Variants in ORC5 observed in about 807,000 individuals in gnomAD.
ORC5 encodes protein phosphatase 1, regulatory subunit 117.
ORC5 carries 39 observed loss-of-function variants against 58.8 expected under a neutral mutation model. The observed-to-expected ratio is 0.66, with a 90% CI of 0.51 to 0.87. The LOEUF is 0.87. ORC5 is among the 40% of genes least tolerant of loss of function. ORC5 has a pLI of 0.00. For missense variants in ORC5, 493 were observed against 506.3 expected, an observed-to-expected ratio of 0.97 and a Z score of 0.25; for synonymous variants, 218 against 177.6, an observed-to-expected ratio of 1.23 and a Z score of -1.81.
intron 10 of ORC5, 104 bp downstream of exon 10, chr7:104,166,668 T>C (rs1306064672): frequency 3.0e-6 from 2 of 656,356 alleles, no homozygotes; most frequent in African/African-American, 3.6e-5. Flanking sequence ...TATTTGGCAA[T>C]CTTATTCTAA....
Position 104,136,717 on chromosome 7 carries a change from A to G in ORC5, c.1262+64T>C. 1 of 1,039,786 alleles carries G rather than the reference A, an allele frequency of 9.6e-7. No homozygotes were observed. 64.4% of individuals were successfully genotyped at this position (1,039,786 alleles called of 1,614,324 possible). A position where few individuals can be genotyped will look rare whatever the true frequency, so the allele number is the denominator to read the frequency against. The stretch of plus-strand genomic sequence containing the variant: ...ATGTTTAAATGTCATGACTAATGAC[A>G]TCACATTTGGAAAACACTAATTTTT... On this transcript the variant is annotated intron_variant, in intron 13 of 13. Transcript: ENST00000297431. The surrounding 1 kb of genome is among the most constrained non-coding windows in gnomAD (Gnocchi z 4.2).
rs113791746 is a variant in ORC5, at chr7:104,185,299, G to A, written c.685-1128C>T. On this transcript the variant is annotated intron_variant, in intron 6 of 13. Coordinates refer to ENST00000297431, the MANE Select transcript of ORC5 (RefSeq NM_002553.4). ...TAAATTTGTATGCCTTTTTTTTCCC[G>A]TTAATCTATTATTAGTTTGTTTTAT... Among the ~76,000 whole-genome samples the A allele has an allele frequency of 6.5e-3, 984 of 151,006 alleles. 12 individuals carry two copies. Among genetic ancestry groups the A allele is most frequent in the African/African-American group, 0.018 (723 of 41,182 alleles).
chr7:104,187,935 C>T (rs1456414968), intron 6 of ORC5: 1 of 1,004,590 alleles, frequency 1.0e-6, no homozygotes, highest in African/African-American at 1.7e-5. Context: ...TTCTGTTATT[C>T]CTCATTTTGA....
intron 12 of ORC5, 148 bp from the exon 13 acceptor site, chr7:104,137,041 C>T (rs1048383126): frequency 8.5e-6 from 5 of 586,452 alleles, no homozygotes; most frequent in Non-Finnish European, 1.5e-5. Context: ...TCTGTAAATA[C>T]AAATTTGTAC....
chr7:104,127,228 GTAAT>G (rs770393014), intron 13 of ORC5, among the ~76,000 whole-genome samples: 2 of 152,168 alleles, frequency 1.3e-5, no homozygotes, highest in East Asian at 1.9e-4. Flanking sequence ...CCAGAATAAA[GTAAT>G]TAGAGATTCA....
In ORC5 at chr7:104,195,174, C is replaced by A. The variant is rs773154722; in HGVS notation, c.522G>T (p.Pro174=). The change falls in exon 5 of 14, where the codon CCG becomes CCT. Residue 174 remains proline (P), a synonymous_variant. Coordinates refer to ENST00000297431, the MANE Select transcript of ORC5 (RefSeq NM_002553.4). ...KFRPNTGCFE[P]FVLYFPDYSI... is the part of the protein sequence containing the mutation. ...TGTAATCAGGGAAATATAAGACAAA[C>A]GGCTCAAAGCATCCAGTATTTGGAC... 6.4e-7 allele frequency: 1 copy of A among 1,572,364 alleles called. No individual in the cohort carries two copies. The highest frequency in any genetic ancestry group is 8.6e-7 in the Non-Finnish European group (1 of 1,164,042).
intron 8 of ORC5, among the ~76,000 whole-genome samples, chr7:104,170,943 G>C (rs1799200461): frequency 6.6e-6 from 1 of 151,836 alleles, no homozygotes; most frequent in African/African-American, 2.4e-5. Flanking sequence ...ATTATTTTCA[G>C]TCCTTTCCTC....
rs1054006870 is a variant in ORC5 at position 104,150,700 on chromosome 7, T to C, written c.1149+10372A>G. Among the ~76,000 whole-genome samples the C allele has an allele frequency of 2.0e-5, 3 of 152,166 alleles. No individual in the cohort carries two copies. In the South Asian group the frequency reaches 6.2e-4, roughly 32 times the overall value. On this transcript the variant is annotated intron_variant, in intron 12 of 13. Transcript: ENST00000297431. Reference sequence around the variant, plus strand: ...ACTGCCTGCAAATCTTTAGCAACCATGAAGACCATAAATGCCTGTTAGGAG... The same window carrying C: ...ACTGCCTGCAAATCTTTAGCAACCACGAAGACCATAAATGCCTGTTAGGAG...
intron 12 of ORC5, among the ~76,000 whole-genome samples, chr7:104,154,430 T>G (rs905678776): frequency 1.3e-5 from 2 of 152,048 alleles, no homozygotes; most frequent in African/African-American, 2.4e-5. Flanking sequence ...TACTTATTAG[T>G]ATTCACTTTA....
At chr7:104,197,833 T>G (rs199867973) in intron 3 of ORC5, 34 bp from the exon 4 acceptor site, 7 of 1,353,318 alleles carry the variant, frequency 5.2e-6, no homozygotes, top group Non-Finnish European at 4.1e-6. Flanking sequence ...CAAAAAGAAA[T>G]GCATTTACAA....
intron 2 of ORC5, among the ~76,000 whole-genome samples, 189 bp from the exon 3 acceptor site, chr7:104,201,147 G>A (rs1799933816): frequency 6.6e-6 from 1 of 152,152 alleles, no homozygotes; most frequent in Non-Finnish European, 1.5e-5. Context: ...GGATGGAGAA[G>A]CCAATGGAAA....
intron 8 of ORC5, among the ~76,000 whole-genome samples, chr7:104,180,419 A>G (rs1462774939): frequency 2.0e-5 from 3 of 152,296 alleles, no homozygotes; most frequent in Non-Finnish European, 4.4e-5. Context: ...TTTTAAATCC[A>G]GGTAACTTTC....
At chr7:104,207,645 C>G (rs1438667302) in intron 1 of ORC5, among the ~76,000 whole-genome samples, 188 bp downstream of exon 1, 1 of 152,208 alleles carries the variant, frequency 6.6e-6, no homozygotes, top group Non-Finnish European at 1.5e-5. Context: ...CGCTCTCAGA[C>G]TGTCTCCTCT....
chr7:104,191,760 T>C (rs544939765), intron 5 of ORC5, among the ~76,000 whole-genome samples: 1 of 151,878 alleles, frequency 6.6e-6, no homozygotes, highest in African/African-American at 2.4e-5. Context: ...GAAAACAGTG[T>C]ATCATGAGGT....
chr7:104,188,878 C>G (rs1476065095), intron 5 of ORC5, among the ~76,000 whole-genome samples: 1 of 152,124 alleles, frequency 6.6e-6, no homozygotes, highest in East Asian at 1.9e-4. Flanking sequence ...AGCACTTCCC[C>G]CTTCATGCTC....
chr7:104,205,775 G>A (rs1170837895), intron 1 of ORC5, among the ~76,000 whole-genome samples: 1 of 152,168 alleles, frequency 6.6e-6, no homozygotes, highest in Non-Finnish European at 1.5e-5. Context: ...CCAACACTTT[G>A]GGAGGCCAAG....
intron 8 of ORC5, among the ~76,000 whole-genome samples, chr7:104,180,139 A>C (rs1799404074): frequency 6.6e-6 from 1 of 152,116 alleles, no homozygotes; most frequent in South Asian, 2.1e-4. Flanking sequence ...TTCTGTTTAC[A>C]CTCATAGTGT....
At chr7:104,134,097 C>A (rs118144205) in intron 13 of ORC5, among the ~76,000 whole-genome samples, 1 of 151,984 alleles carries the variant, frequency 6.6e-6, no homozygotes, top group Non-Finnish European at 1.5e-5. Flanking sequence ...TGAACTCAGG[C>A]GTTAGAATGT....
intron 4 of ORC5, among the ~76,000 whole-genome samples, 165 bp downstream of exon 4, chr7:104,197,560 T>G (rs1799829401): frequency 1.3e-5 from 2 of 152,108 alleles, no homozygotes; most frequent in South Asian, 4.1e-4. Flanking sequence ...AATCACCAAC[T>G]GATTTTACTA....
Sources: allele counts gnomAD v4.1 joint callset (sites outside exome capture counted in the v4.1 genomes callset), GRCh38; gene constraint gnomAD v4.1.1; non-coding constraint Gnocchi (gnomAD v3.1); transcripts MANE v1.5; gene names NCBI Gene and HGNC (gene_info 2026-07-23, HGNC 2026-07-21).